NSRP1: variants seen among roughly 807,000 people sequenced by gnomAD.
NSRP1 encodes the protein coiled-coil domain containing 55.
In NSRP1, 24 loss-of-function variants were observed where a neutral mutation model predicts 54.7. The observed-to-expected ratio is 0.44, with a 90% confidence interval of 0.32 to 0.62. NSRP1 has a LOEUF of 0.62. Among genes scored for constraint, NSRP1 ranks in the 20% least tolerant of loss-of-function variants. NSRP1 has a pLI of 0.06. For synonymous variants in NSRP1, 210 were observed against 213.8 expected (o/e 0.98, Z 0.15); for missense variants, 596 against 651.2 (o/e 0.92, Z 0.92).
At chr17:30,163,574 T>C (rs1245704637) in intron 2 of NSRP1, among the ~76,000 whole-genome samples, 2 of 151,884 alleles carry the variant, frequency 1.3e-5, no homozygotes, top group African/African-American at 2.4e-5. Context: ...ATTGATTAAA[T>C]AATTTTTATT....
Position 30,184,664 on chromosome 17 carries a change from T to C in NSRP1, c.667T>C (p.Ser223Pro). ...KSRGFSNEVS[S>P]KNRIPQEKCI... ...AAGGGGCTTCTCCAATGAAGTAAGTTCAAAAAACAGAATACCACAAGAGAA... is the reference window on the plus strand; with the variant it reads ...AAGGGGCTTCTCCAATGAAGTAAGTCCAAAAAACAGAATACCACAAGAGAA... The change falls in exon 7 of 7, where the codon TCA (serine) becomes CCA (proline). Residue 223 changes from serine (S) to proline (P), a missense_variant. By Grantham distance (74) the Ser-to-Pro change is moderately conservative. Coordinates refer to ENST00000247026, the MANE Select transcript of NSRP1 (RefSeq NM_032141.4). 1 of 1,599,084 alleles carries C rather than the reference T, an allele frequency of 6.3e-7. No individual in the cohort carries two copies. Among genetic ancestry groups the C allele is most frequent in the Non-Finnish European group, 8.5e-7 (1 of 1,173,554 alleles).
At chr17:30,179,596 A>G (rs1905235538) in intron 5 of NSRP1, among the ~76,000 whole-genome samples, 1 of 152,232 alleles carries the variant, frequency 6.6e-6, no homozygotes, top group African/African-American at 2.4e-5. Context: ...ATTTATTACA[A>G]AGTATAACGC....
At chr17:30,117,869 T>C (rs1255702720) in intron 1 of NSRP1, 1 of 406,502 alleles carries the variant, frequency 2.5e-6, no homozygotes, top group African/African-American at 2.0e-5. Flanking sequence ...GTTTGGCCCG[T>C]GTCCACAAAT....
intron 2 of NSRP1, among the ~76,000 whole-genome samples, chr17:30,119,490 C>T (rs927587675): frequency 6.6e-6 from 1 of 152,066 alleles, no homozygotes; most frequent in Admixed American, 6.6e-5. Flanking sequence ...GGATTACAGG[C>T]ATGAGTCACC....
intron 2 of NSRP1, among the ~76,000 whole-genome samples, chr17:30,141,936 G>A (rs1004113065): frequency 6.6e-6 from 1 of 152,190 alleles, no homozygotes; most frequent in Non-Finnish European, 1.5e-5. Flanking sequence ...CCCAGGAGGT[G>A]GAGGTTGCAG....
chr17:30,154,690 C>G (rs2071944986), intron 2 of NSRP1: 1 of 145,888 alleles, frequency 6.9e-6, no homozygotes, highest in African/African-American at 2.6e-5. Flanking sequence ...CCAGCCTGGG[C>G]AACAGAGTGA....
chr17:30,156,136 G>T (rs572766078), intron 2 of NSRP1, among the ~76,000 whole-genome samples: 1 of 148,990 alleles, frequency 6.7e-6, no homozygotes, highest in Non-Finnish European at 1.5e-5. Context: ...CACCACGCCC[G>T]GCCCATCTCT....
chr17:30,148,197 T>G (rs1464110694), intron 2 of NSRP1, among the ~76,000 whole-genome samples: 1 of 152,232 alleles, frequency 6.6e-6, no homozygotes, highest in Non-Finnish European at 1.5e-5. Flanking sequence ...TCTCCTGTGG[T>G]TCATTAATAT....
chr17:30,171,934 TCACACACACA>T (rs746244255), intron 2 of NSRP1, among the ~76,000 whole-genome samples: 3 of 113,346 alleles, frequency 2.6e-5, no homozygotes, highest in African/African-American at 1.0e-4. Flanking sequence ...TCCCCATTTC[TCACACACACA>T]CACACACACA....
chr17:30,171,972 ACTCCCTCTCTCT>A (rs1341500054), intron 2 of NSRP1, among the ~76,000 whole-genome samples: 82 of 46,644 alleles, frequency 1.8e-3, no homozygotes, highest in African/African-American at 4.7e-3. Flanking sequence ...ACACACACAC[ACTCCCTCTCTCT>A]CTCTCTCTCT....
chr17:30,140,478 C>T (rs2071793728), intron 2 of NSRP1, among the ~76,000 whole-genome samples: 1 of 147,080 alleles, frequency 6.8e-6, no homozygotes, highest in Non-Finnish European at 1.5e-5. Flanking sequence ...ATTGGTCCTT[C>T]ACTATTTCAG....
intron 2 of NSRP1, among the ~76,000 whole-genome samples, chr17:30,152,407 C>A (rs1033077105): frequency 3.4e-5 from 5 of 148,432 alleles, no homozygotes; most frequent in Middle Eastern, 3.2e-3. Context: ...CGTGAGCCAC[C>A]GTGCCCAGCC....
chr17:30,145,717 T>C (rs1960872041), intron 2 of NSRP1, among the ~76,000 whole-genome samples: 1 of 152,188 alleles, frequency 6.6e-6, no homozygotes, highest in Admixed American at 6.5e-5. Context: ...AGACAATTTT[T>C]ACAGTACCAT....
chr17:30,119,508 G>A (rs1361798901), intron 2 of NSRP1, among the ~76,000 whole-genome samples: 1 of 151,200 alleles, frequency 6.6e-6, no homozygotes, highest in South Asian at 2.1e-4. Flanking sequence ...ACCATGCCCA[G>A]CCTCTTTTTT....
intron 1 of NSRP1, 105 bp downstream of exon 1, chr17:30,116,968 G>A: frequency 7.3e-7 from 1 of 1,374,296 alleles, no homozygotes; most frequent in Non-Finnish European, 1.0e-6. Flanking sequence ...GGACTGTGTC[G>A]TCAAGGGTAG....
rs776136959 is a variant in NSRP1 at position 30,178,188 on chromosome 17, A to G, written c.289A>G (p.Lys97Glu). Residue 97 changes from lysine to glutamate, a missense_variant, in exon 4 of 7, where the codon AAA (lysine) becomes GAA (glutamate). Transcript: ENST00000247026. ...AAATAATCCCAAATTGCTTTTGGGG[A>G]AAGACAGAAAGGTTTGTAAGCTGAA... ...EENNPKLLLG[K>E]DRKPKYIHNL... is the part of the protein sequence containing the mutation. 3.7e-6 allele frequency: 6 copies of G among 1,603,112 alleles called. No homozygotes were observed. The highest frequency in any genetic ancestry group is 4.2e-6 in the Non-Finnish European group (5 of 1,177,458).
chr17:30,166,429 T>C (rs1298882043), intron 2 of NSRP1, among the ~76,000 whole-genome samples: 1 of 152,200 alleles, frequency 6.6e-6, no homozygotes, highest in East Asian at 1.9e-4. Context: ...TTTTGTGATA[T>C]TTACCTTCTT....
At chr17:30,136,421 T>C (rs1270473583) in intron 2 of NSRP1, among the ~76,000 whole-genome samples, 1 of 152,174 alleles carries the variant, frequency 6.6e-6, no homozygotes, top group Non-Finnish European at 1.5e-5. Flanking sequence ...AAAGCTAAAG[T>C]TTATTGAGTA....
At chr17:30,163,192 TGTGTGTGTGTGTG>T (rs1490196209) in intron 2 of NSRP1, 1 of 8,782 alleles carries the variant, frequency 1.1e-4, no homozygotes, top group African/African-American at 3.4e-4. Flanking sequence ...GCTAATTTTG[TGTGTGTGTGTGTG>T]TGTGTGTGTG....
Sources: allele counts gnomAD v4.1 joint callset (sites outside exome capture counted in the v4.1 genomes callset), GRCh38; gene constraint gnomAD v4.1.1; transcripts MANE v1.5; gene names NCBI Gene and HGNC (gene_info 2026-07-23, HGNC 2026-07-21).